Variants in PITRM1 observed in about 807,000 individuals in gnomAD.
The protein encoded by PITRM1 is pitrilysin metallopeptidase 1.
PITRM1 carries 100 observed loss-of-function variants against 129.9 expected under a neutral mutation model. The observed-to-expected ratio is 0.77, with a 90% confidence interval of 0.65 to 0.91. The LOEUF is 0.91. Ranked by LOEUF, PITRM1 falls within the 40% of genes least tolerant of loss-of-function variation. The probability of loss-of-function intolerance (pLI) is 0.00; values close to 1 mark genes in which losing one functional copy is unlikely to be tolerated. For missense variants in PITRM1, 1,471 were observed against 1,318.3 expected (o/e 1.12, Z -1.79); for synonymous variants, 591 against 508.8 (o/e 1.16, Z -2.17).
chr10:3,149,406 T>C (rs1359380483), intron 16 of PITRM1: 3 of 432,176 alleles, frequency 6.9e-6, no homozygotes, highest in East Asian at 3.8e-5. Context: ...TATCTCCTTA[T>C]ATTATACCGT....
rs776127138 is a variant in PITRM1, at chr10:3,147,162, C to T, written c.2324G>A (p.Gly775Asp). 2 of 1,535,124 alleles carry T rather than the reference C, an allele frequency of 1.3e-6. No individual in the cohort carries two copies. Among genetic ancestry groups the T allele is most frequent in the South Asian group, 2.2e-5 (2 of 89,244 alleles). ...LPRIKKHLLN[G>D]DNMRCSVNAT... ...ATCACACATGCACCTCATATTATCA[C>T]CATTTAACAAGTGTTTCTTGATACG... The change falls in exon 20 of 27, where the codon GGT becomes GAT. Residue 775 changes from glycine (G) to aspartate (D), a missense_variant. Physicochemically the swap from Gly to Asp is moderately conservative, Grantham distance 94. Coordinates refer to ENST00000224949, the MANE Select transcript of PITRM1 (RefSeq NM_014889.4).
chr10:3,142,326 C>A, intron 23 of PITRM1, among the ~76,000 whole-genome samples: 1 of 152,246 alleles, frequency 6.6e-6, no homozygotes, highest in Non-Finnish European at 1.5e-5. Flanking sequence ...CCCTCTGTGA[C>A]ACACGTGCAC....
intron 14 of PITRM1, among the ~76,000 whole-genome samples, chr10:3,152,131 G>A (rs372527937): frequency 1.8e-4 from 27 of 152,256 alleles, no homozygotes; most frequent in African/African-American, 6.3e-4. Context: ...TTACAGTGGT[G>A]CTTAGAAAGA....
chr10:3,151,076 G>C (rs1298146272), intron 15 of PITRM1, 171 bp downstream of exon 15: 4 of 590,680 alleles, frequency 6.8e-6, no homozygotes, highest in South Asian at 5.9e-5. Context: ...TCACCACCGA[G>C]AGTTAAGAAC....
intron 2 of PITRM1, among the ~76,000 whole-genome samples, chr10:3,169,173 T>G (rs956106205): frequency 6.6e-6 from 1 of 152,208 alleles, no homozygotes; most frequent in African/African-American, 2.4e-5. Flanking sequence ...AGGCCCTTAT[T>G]AACAGTAACC....
intron 26 of PITRM1, 52 bp from the exon 27 acceptor site, chr10:3,138,176 G>A: frequency 6.4e-7 from 1 of 1,572,678 alleles, no homozygotes; most frequent in East Asian, 2.2e-5. Flanking sequence ...CGTGAGCGCT[G>A]TTAGAGTCAG....
intron 3 of PITRM1, among the ~76,000 whole-genome samples, chr10:3,166,734 A>G (rs1842897159): frequency 1.3e-5 from 2 of 152,202 alleles, no homozygotes; most frequent in Admixed American, 1.3e-4. Context: ...AGCCCAACAC[A>G]AATTCATACA....
chr10:3,138,276 G>C lies in PITRM1; in HGVS notation c.2979C>G (p.Leu993=), dbSNP rs1839783053. 6 of 1,613,938 alleles carry C rather than the reference G, an allele frequency of 3.7e-6. No individual in the cohort carries two copies. Among genetic ancestry groups the C allele is most frequent in the Non-Finnish European group, 5.1e-6 (6 of 1,179,818 alleles). ...GGAGCTTGTCGTGGCTGACAGCAAA[G>C]AGCTGCTCTCTGTGGGCCTGCTTCA... is the stretch of plus-strand genomic sequence containing the variant. ...DEMKQAHREQ[L]FAVSHDKLLA... The change falls in exon 26 of 27, where the codon CTC becomes CTG. Residue 993 remains leucine, a synonymous_variant. Transcript: ENST00000224949.
Position 3,170,146 on chromosome 10 carries a change from C to T in PITRM1, c.117G>A (p.Gln39=), listed in dbSNP as rs1468996172. 6.2e-7 allele frequency: 1 copy of T among 1,613,984 alleles called. No homozygotes were observed. The highest frequency in any genetic ancestry group is 2.2e-5 in the East Asian group (1 of 44,894). ...CATGGATCTTGTCTCCTAGTTTATA[C>T]TGCAGAGCCCTCTCACAAGCCCGGT... ...NSNRACERAL[Q]YKLGDKIHGF... Residue 39 remains glutamine, a synonymous_variant, in exon 2 of 27, where the codon CAG becomes CAA. Coordinates refer to ENST00000224949, the MANE Select transcript of PITRM1 (RefSeq NM_014889.4).
Position 3,138,245 on chromosome 10 carries a change from C to G in PITRM1, c.3010G>C (p.Val1004Leu). 1 of 1,612,706 alleles carries G rather than the reference C, an allele frequency of 6.2e-7. No individual in the cohort carries two copies. Among genetic ancestry groups the G allele is most frequent in the Admixed American group, 1.7e-5 (1 of 60,030 alleles). The stretch of plus-strand genomic sequence containing the variant: ...CCGCTCCCCACTCACCTATCGCTCA[C>G]GGCCAGGAGCTTGTCGTGGCTGACA... ...FAVSHDKLLA[V>L]SDRYLGTGKS... is the part of the protein sequence containing the mutation. The change falls in exon 26 of 27, where the codon GTG (valine) becomes CTG (leucine). Residue 1004 changes from valine to leucine, a missense_variant. Val to Leu is a conservative substitution (Grantham distance 32). Coordinates refer to ENST00000224949, the MANE Select transcript of PITRM1 (RefSeq NM_014889.4).
At chr10:3,138,203 C>T (rs375799140) in intron 26 of PITRM1, 32 bp downstream of exon 26, 182 of 1,592,106 alleles carry the variant, frequency 1.1e-4, no homozygotes, top group Middle Eastern at 1.7e-4. Flanking sequence ...GGCTTCCAGT[C>T]CCAGACGCTG....
rs760287539 is a variant in PITRM1 at position 3,163,396 on chromosome 10, G to A, written c.791+329C>T. 12 of 170,584 alleles carry A rather than the reference G, an allele frequency of 7.0e-5. No homozygotes were observed. In the Middle Eastern group the frequency reaches 7.4e-3, roughly 105 times the overall value. 10.6% of individuals were successfully genotyped at this position (170,584 alleles called of 1,614,324 possible). ...GAGAGGGCTTCAAGCTTCACACCCC[G>A]TGTCAAGGTGGGCACCATCCATGCA... On this transcript the variant is annotated intron_variant, in intron 7 of 26. Transcript: ENST00000224949.
At position 3,137,820 on chromosome 10, in the gene PITRM1, T is replaced by C; in HGVS notation, c.*211A>G. 2 of 560,748 alleles carry C rather than the reference T, an allele frequency of 3.6e-6. No homozygotes were observed. Among genetic ancestry groups the C allele is most frequent in the Non-Finnish European group, 6.4e-6 (2 of 312,700 alleles). The allele number at this position is 560,748 out of a possible 1,614,324, so 34.7% of individuals were successfully genotyped here. On this transcript the variant is annotated 3_prime_UTR_variant, in exon 27 of 27. Coordinates refer to ENST00000224949, the MANE Select transcript of PITRM1 (RefSeq NM_014889.4). ...AGTACAAAGTGAAAATTCTACATGG[T>C]GCATCTTTGGCGCTTCATGCATGAT...
chr10:3,166,139 T>C (rs1842839865), intron 4 of PITRM1, 90 bp downstream of exon 4: 17 of 1,106,914 alleles, frequency 1.5e-5, no homozygotes, highest in Non-Finnish European at 2.1e-5. Context: ...AATTGCCCAC[T>C]CCCCTCATTC....
intron 11 of PITRM1, 81 bp from the exon 12 acceptor site, chr10:3,157,612 C>A: frequency 1.2e-6 from 1 of 851,196 alleles, no homozygotes; most frequent in Non-Finnish European, 1.8e-6. Context: ...GAGGCCAAGG[C>A]AGGAGGACTG....
chr10:3,139,186 C>G (rs1030663290), intron 24 of PITRM1, 137 bp from the exon 25 acceptor site: 12 of 750,002 alleles, frequency 1.6e-5, no homozygotes, highest in Middle Eastern at 2.4e-4. Context: ...CCAAACAGCC[C>G]ACTGACAAAT....
At position 3,160,290 on chromosome 10, in the gene PITRM1, T is replaced by C. The variant is rs1322680197; in HGVS notation, c.832A>G (p.Lys278Glu). Residue 278 changes from lysine (K) to glutamate (E), a missense_variant, in exon 8 of 27, where the codon AAA (lysine) becomes GAA (glutamate). Lys to Glu is a moderately conservative substitution (Grantham distance 56). Transcript: ENST00000224949. ...YGNFPLEQHL[K>E]QIHEEALSKF... is the part of the protein sequence containing the mutation. Reference sequence around the variant, plus strand: ...CTCAGTGCTTCCTCGTGAATTTGTTTCAGATGCTGTTCTAATGGAAAATTA... The same window carrying C: ...CTCAGTGCTTCCTCGTGAATTTGTTCCAGATGCTGTTCTAATGGAAAATTA... 6.2e-7 allele frequency: 1 copy of C among 1,613,294 alleles called. No individual in the cohort carries two copies. Among genetic ancestry groups the C allele is most frequent in the South Asian group, 1.1e-5 (1 of 91,058 alleles).
intron 14 of PITRM1, among the ~76,000 whole-genome samples, chr10:3,152,480 T>C (rs1841605806): frequency 6.6e-6 from 1 of 152,202 alleles, no homozygotes; most frequent in South Asian, 2.1e-4. Context: ...ACACGGGACC[T>C]TGGGGCGCAG....
intron 1 of PITRM1, among the ~76,000 whole-genome samples, chr10:3,170,556 A>G (rs920784129): frequency 3.9e-5 from 6 of 152,212 alleles, no homozygotes; most frequent in African/African-American, 1.4e-4. Flanking sequence ...ACAGTATACC[A>G]AGAAATTCAC....
Sources: gnomAD v4.1 joint callset for allele counts (sites outside exome capture counted in the v4.1 genomes callset) on GRCh38, gnomAD v4.1.1 for gene constraint, MANE v1.5 for transcripts, NCBI Gene and HGNC (gene_info 2026-07-23, HGNC 2026-07-21) for gene names.